The following SLC71A2 variants were observed in gnomAD, a reference collection of about 807,000 sequenced individuals.
SLC71A2 encodes solute carrier family 71 member 2.
chr9:94,391,671 T>A, the SLC71A2 span, among the ~76,000 whole-genome samples: 1 of 149,230 alleles, frequency 6.7e-6, no homozygotes, highest in African/African-American at 2.5e-5. Flanking sequence ...GCGGATTGCC[T>A]CTGTTCAGGA....
At chr9:94,446,352 G>C in the SLC71A2 span, among the ~76,000 whole-genome samples, 1 of 152,200 alleles carries the variant, frequency 6.6e-6, no homozygotes, top group Admixed American at 6.5e-5. Context: ...TGGCTGGAGC[G>C]TACTTATTTG....
chr9:94,385,451 C>T, the SLC71A2 span, among the ~76,000 whole-genome samples: 1 of 152,156 alleles, frequency 6.6e-6, no homozygotes, highest in Non-Finnish European at 1.5e-5. Context: ...TTTTTAGCGT[C>T]ATATATAAGA....
chr9:94,421,055 T>G, the SLC71A2 span, among the ~76,000 whole-genome samples: 1 of 150,964 alleles, frequency 6.6e-6, no homozygotes, highest in Non-Finnish European at 1.5e-5. Context: ...TGTATTTCCC[T>G]GATTGTCCTA....
chr9:94,444,856 G>A, the SLC71A2 span: 1 of 950,982 alleles, frequency 1.1e-6, no homozygotes, highest in Non-Finnish European at 1.7e-6. Flanking sequence ...CTGGTTGAGT[G>A]TGCTTTCCTG....
chr9:94,432,356 C>T, the SLC71A2 span, among the ~76,000 whole-genome samples: 5 of 150,584 alleles, frequency 3.3e-5, no homozygotes, highest in Admixed American at 2.6e-4. Flanking sequence ...CAAAATTAGC[C>T]GGTTGTGGTG....
chr9:94,385,810 G>A, the SLC71A2 span, among the ~76,000 whole-genome samples: 1 of 151,956 alleles, frequency 6.6e-6, no homozygotes, highest in African/African-American at 2.4e-5. Context: ...TTTCAAGACT[G>A]TTTTGGCTGT....
At chr9:94,440,734 ATTCT>A in the SLC71A2 span, among the ~76,000 whole-genome samples, 6 of 151,946 alleles carry the variant, frequency 3.9e-5, no homozygotes, top group Non-Finnish European at 8.8e-5. Context: ...TAATCCCCTT[ATTCT>A]TTGTTTTTCC....
the SLC71A2 span, chr9:94,458,368 C>T: frequency 6.2e-7 from 1 of 1,613,726 alleles, no homozygotes; most frequent in Non-Finnish European, 8.5e-7. Flanking sequence ...TATGCAATGG[C>T]CTGGGGCCAG....
At chr9:94,416,015 T>G in the SLC71A2 span, among the ~76,000 whole-genome samples, 1 of 152,248 alleles carries the variant, frequency 6.6e-6, no homozygotes, top group African/African-American at 2.4e-5. Flanking sequence ...TTTTCGTAGC[T>G]TATCTATAGC....
At chr9:94,451,864 T>C in the SLC71A2 span, among the ~76,000 whole-genome samples, 1 of 152,278 alleles carries the variant, frequency 6.6e-6, no homozygotes, top group South Asian at 2.1e-4. Flanking sequence ...GTGACTGGCA[T>C]CCACTCTTGT....
At chr9:94,401,658 C>G in the SLC71A2 span, among the ~76,000 whole-genome samples, 1 of 152,250 alleles carries the variant, frequency 6.6e-6, no homozygotes, top group South Asian at 2.1e-4. Flanking sequence ...CAGGTTCTTT[C>G]CATCTTCAGT....
chr9:94,408,649 A>G, the SLC71A2 span, among the ~76,000 whole-genome samples: 7 of 151,142 alleles, frequency 4.6e-5, no homozygotes, highest in Non-Finnish European at 2.9e-5. Flanking sequence ...CTAATTGTCT[A>G]TGAGACTCCC....
chr9:94,446,537 C>A, the SLC71A2 span, among the ~76,000 whole-genome samples: 1 of 151,922 alleles, frequency 6.6e-6, no homozygotes, highest in Admixed American at 6.6e-5. Context: ...ATAGGAAGTT[C>A]GGGATCTGTT....
chr9:94,390,896 TAC>T, the SLC71A2 span, among the ~76,000 whole-genome samples: 1 of 152,220 alleles, frequency 6.6e-6, no homozygotes. Context: ...CATAGCTTAT[TAC>T]TTCCTTTCTT....
chr9:94,431,048 C>T, the SLC71A2 span, among the ~76,000 whole-genome samples: 2 of 152,318 alleles, frequency 1.3e-5, no homozygotes, highest in South Asian at 4.1e-4. Flanking sequence ...CGCGGTGGCT[C>T]ACGCCTGTAA....
chr9:94,421,128 C>T, the SLC71A2 span, among the ~76,000 whole-genome samples: 3 of 108,516 alleles, frequency 2.8e-5, no homozygotes, highest in Non-Finnish European at 5.7e-5. Context: ...GGATTTTGAG[C>T]TGTGTAGGAG....
chr9:94,418,960 T>C, the SLC71A2 span, among the ~76,000 whole-genome samples: 17 of 152,202 alleles, frequency 1.1e-4, no homozygotes, highest in African/African-American at 4.1e-4. Context: ...TGCTTTGAAG[T>C]TTTCGTCTGC....
At chr9:94,422,072 T>C in the SLC71A2 span, among the ~76,000 whole-genome samples, 3 of 152,098 alleles carry the variant, frequency 2.0e-5, no homozygotes, top group Non-Finnish European at 4.4e-5. Flanking sequence ...TTAGTAGAGA[T>C]GGGGTTTCGC....
chr9:94,418,248 T>A, the SLC71A2 span, among the ~76,000 whole-genome samples: 1 of 152,136 alleles, frequency 6.6e-6, no homozygotes, highest in Non-Finnish European at 1.5e-5. Context: ...TTGTTTTCTA[T>A]GCTTTTGTTT....
Sources: gnomAD v4.1 joint callset for allele counts (sites outside exome capture counted in the v4.1 genomes callset) on GRCh38, gnomAD v4.1.1 for gene constraint, MANE v1.5 for transcripts, NCBI Gene and HGNC (gene_info 2026-07-23, HGNC 2026-07-21) for gene names.